Variants in EML5 observed in about 807,000 individuals in gnomAD.
EML5 encodes echinoderm microtubule-associated protein-like 5.
A neutral mutation model predicts 250.0 loss-of-function variants in EML5; 120 were observed. The ratio of observed to expected loss-of-function variants is 0.48; its 90% CI spans 0.41 to 0.56. The LOEUF (loss-of-function observed/expected upper bound fraction) is 0.56. EML5 is among the 20% of genes least tolerant of loss of function. EML5 has a pLI of 0.00. For synonymous variants in EML5, 771 were observed against 806.5 expected (o/e 0.96, Z 0.75); for missense variants, 2,006 against 2,437.6 (o/e 0.82, Z 3.73).
chr14:88,731,687 A>C (rs962076220), intron 7 of EML5, among the ~76,000 whole-genome samples: 1 of 152,222 alleles, frequency 6.6e-6, no homozygotes, highest in African/African-American at 2.4e-5. Context: ...TTCCACCAAC[A>C]GTGTAAAAGT....
chr14:88,654,384 T>A (rs1385599474), intron 27 of EML5, among the ~76,000 whole-genome samples: 1 of 152,218 alleles, frequency 6.6e-6, no homozygotes, highest in Non-Finnish European at 1.5e-5. Context: ...ATGTTGATTT[T>A]AGATCTTTCC....
intron 19 of EML5, among the ~76,000 whole-genome samples, chr14:88,686,627 C>T (rs1462489217): frequency 6.6e-6 from 1 of 151,894 alleles, no homozygotes; most frequent in African/African-American, 2.4e-5. Flanking sequence ...GCCTGGACAA[C>T]ATAGAGGGAC....
Position 88,634,496 on chromosome 14 carries a change from T to G in EML5, c.4337-7A>C, listed in dbSNP as rs953717112. On this transcript the variant is annotated splice_polypyrimidine_tract_variant and splice_region_variant and intron_variant, in intron 32 of 43. Transcript: ENST00000554922. ...GACATGTCTGCTGAATCACCTATAA[T>G]GGAAAATAATTATCTATAAATAACA... 1 of 1,436,072 alleles carries G rather than the reference T, an allele frequency of 7.0e-7. No homozygotes were observed. The highest frequency in any genetic ancestry group is 2.6e-5 in the East Asian group (1 of 37,740). The allele number at this position is 1,436,072 out of a possible 1,614,324, so 89.0% of individuals were successfully genotyped here.
At chr14:88,692,379 A>G (rs4265742) in intron 17 of EML5, among the ~76,000 whole-genome samples, 26,630 of 152,134 alleles carry the variant, frequency 0.18, 2,876 homozygotes, top group East Asian at 0.47. Context: ...TCTGTTTCAA[A>G]AAGAAAAAAA....
chr14:88,771,874 C>T (rs1477968354), intron 1 of EML5, among the ~76,000 whole-genome samples: 1 of 152,158 alleles, frequency 6.6e-6, no homozygotes, highest in Non-Finnish European at 1.5e-5. Flanking sequence ...CTGCACCCCA[C>T]CTCTGAATAT....
At chr14:88,639,623 G>T (rs988116025) in intron 31 of EML5, among the ~76,000 whole-genome samples, 1 of 152,046 alleles carries the variant, frequency 6.6e-6, no homozygotes, top group Admixed American at 6.6e-5. Context: ...GTTGCCCAGG[G>T]TGGAGTGCAA....
At chr14:88,634,355 C>T in intron 33 of EML5, 114 bp downstream of exon 33, 1 of 667,002 alleles carries the variant, frequency 1.5e-6, no homozygotes, top group Non-Finnish European at 2.4e-6. Flanking sequence ...TTGTAAATTA[C>T]CCAGTTCTTT....
chr14:88,626,818 G>A lies in EML5; in HGVS notation c.4740+20C>T. 2 of 1,611,862 alleles carry A rather than the reference G, an allele frequency of 1.2e-6. No homozygotes were observed. Reference sequence around the variant, plus strand: ...TGTAAAGTAGTCAAAGTCACACTATGTGCATTTTAAGAGACATACTGCACC... The same window carrying A: ...TGTAAAGTAGTCAAAGTCACACTATATGCATTTTAAGAGACATACTGCACC... On this transcript the variant is annotated intron_variant, in intron 35 of 43. Transcript: ENST00000554922.
chr14:88,640,533 C>G (rs954086852), intron 31 of EML5, among the ~76,000 whole-genome samples: 1 of 152,076 alleles, frequency 6.6e-6, no homozygotes, highest in Non-Finnish European at 1.5e-5. Flanking sequence ...ATACCAAAAT[C>G]TTTGGCATGT....
intron 1 of EML5, among the ~76,000 whole-genome samples, chr14:88,789,886 A>C (rs1393188810): frequency 2.0e-5 from 3 of 152,254 alleles, no homozygotes; most frequent in African/African-American, 4.8e-5. Context: ...TAAGTTTTAC[A>C]TAAGTTTCAG....
rs1324269468 is a variant in EML5, at chr14:88,644,505, T to C, written c.4035A>G (p.Pro1345=). Residue 1345 remains proline (P), a synonymous_variant, in exon 30 of 44, where the codon CCA becomes CCG. Transcript: ENST00000554922. ...CTGGCTGTGGTGGGGCCCTGCTCAC[T>C]GGAGGCCTGCAACAGAGAAGTGGGG... ...RQGVVRGSRP[P]VSRAPPQPEK... The C allele has an allele frequency of 3.1e-6, 5 of 1,613,572 alleles. No individual in the cohort carries two copies. The highest frequency in any genetic ancestry group is 4.2e-6 in the Non-Finnish European group (5 of 1,179,764).
chr14:88,699,166 C>A (rs560406964), intron 14 of EML5, among the ~76,000 whole-genome samples: 2 of 151,936 alleles, frequency 1.3e-5, no homozygotes, highest in Admixed American at 6.5e-5. Context: ...TTAAAAGGAG[C>A]AGAAATTAGA....
At chr14:88,781,163 T>A (rs2094494174) in intron 1 of EML5, among the ~76,000 whole-genome samples, 1 of 152,232 alleles carries the variant, frequency 6.6e-6, no homozygotes, top group Non-Finnish European at 1.5e-5. Context: ...AGATGACTGA[T>A]ACAAATACAA....
chr14:88,725,184 A>G (rs908893869), intron 8 of EML5, among the ~76,000 whole-genome samples: 2 of 152,144 alleles, frequency 1.3e-5, no homozygotes, highest in African/African-American at 4.8e-5. Context: ...TTTACAGGGT[A>G]CAGAGTTTCC....
intron 2 of EML5, among the ~76,000 whole-genome samples, chr14:88,746,767 G>A (rs1255888219): frequency 6.6e-6 from 1 of 152,064 alleles, no homozygotes; most frequent in East Asian, 1.9e-4. Context: ...ACCTAAGGTG[G>A]GGATTTGAAT....
Position 88,694,424 on chromosome 14 carries a change from A to AT in EML5, c.2439-18_2439-17insA. The AT allele has an allele frequency of 1.3e-6, 2 of 1,484,830 alleles. No homozygotes were observed. The highest frequency in any genetic ancestry group is 2.4e-5 in the South Asian group (2 of 82,020). The allele number at this position is 1,484,830 out of a possible 1,614,324, so 92.0% of individuals were successfully genotyped here. On this transcript the variant is annotated splice_polypyrimidine_tract_variant and intron_variant, in intron 16 of 43. Transcript: ENST00000554922. ...TTACTTCCTCTGAAATAAACATCGA[A>AT]ATGTTTTAGCTCTGAAGATTCATCA...
chr14:88,740,673 A>C (rs950999055), intron 4 of EML5, 101 bp from the exon 5 acceptor site: 1 of 1,033,930 alleles, frequency 9.7e-7, no homozygotes, highest in Non-Finnish European at 1.4e-6. Flanking sequence ...TGAGCTAAAA[A>C]TTAACTAAGA....
intron 18 of EML5, 91 bp from the exon 19 acceptor site, chr14:88,687,418 A>T: frequency 1.1e-6 from 1 of 885,888 alleles, no homozygotes; most frequent in Non-Finnish European, 1.7e-6. Flanking sequence ...TCTAGAAAAA[A>T]GAACATAGTC....
chr14:88,741,874 C>G (rs1566735397), intron 4 of EML5, among the ~76,000 whole-genome samples: 1 of 151,954 alleles, frequency 6.6e-6, no homozygotes, highest in Non-Finnish European at 1.5e-5. Flanking sequence ...AAATTTGAAG[C>G]CTCAAAGAAC....
Sources: allele counts gnomAD v4.1 joint callset (sites outside exome capture counted in the v4.1 genomes callset), GRCh38; gene constraint gnomAD v4.1.1; transcripts MANE v1.5; gene names NCBI Gene and HGNC (gene_info 2026-07-23, HGNC 2026-07-21).